Variants in EPG5 observed in about 807,000 individuals in gnomAD.
EPG5 encodes ectopic P-granules 5 autophagy tethering factor.
Under a neutral mutation model 302.7 loss-of-function variants are expected in EPG5, and 159 were observed. That is an observed-to-expected ratio of 0.53 (90% CI 0.46 to 0.60). EPG5 has a LOEUF of 0.60. EPG5 is among the 20% of genes least tolerant of loss of function. The probability of loss-of-function intolerance (pLI) is 0.00; values close to 1 mark genes in which losing one functional copy is unlikely to be tolerated. For missense variants in EPG5, 2,896 were observed against 3,092.4 expected, an observed-to-expected ratio of 0.94 and a Z score of 1.51; for synonymous variants, 1,158 against 1,136.8, an observed-to-expected ratio of 1.02 and a Z score of -0.37.
intron 28 of EPG5, 100 bp downstream of exon 28, chr18:45,889,698 C>G (rs1378562418): frequency 9.3e-7 from 1 of 1,080,476 alleles, no homozygotes; most frequent in East Asian, 2.7e-5. Flanking sequence ...ACTAAATTAA[C>G]CTGTGGGTGC....
At chr18:45,906,188 T>C (rs1480417404) in intron 24 of EPG5, among the ~76,000 whole-genome samples, 1 of 152,204 alleles carries the variant, frequency 6.6e-6, no homozygotes, top group African/African-American at 2.4e-5. Flanking sequence ...AGGGTTTATC[T>C]CTGGGGGACA....
At position 45,925,913 on chromosome 18, in the gene EPG5, A is replaced by G; in HGVS notation, c.2554-11T>C. The G allele has an allele frequency of 3.0e-6, 4 of 1,353,622 alleles. No individual in the cohort carries two copies. Among genetic ancestry groups the G allele is most frequent in the Non-Finnish European group, 3.9e-6 (4 of 1,034,392 alleles). The allele number at this position is 1,353,622 out of a possible 1,614,324, so 83.9% of individuals were successfully genotyped here. A position where few individuals can be genotyped will look rare whatever the true frequency, so the allele number is the denominator to read the frequency against. On this transcript the variant is annotated splice_polypyrimidine_tract_variant and intron_variant, in intron 13 of 43. Transcript: ENST00000282041. ...CAAGTATAGAGAAACCTTATTAAAA[A>G]GAAAACAATAATCATTAAATAAAGA...
At chr18:45,926,480 T>A (rs1488506703) in intron 13 of EPG5, among the ~76,000 whole-genome samples, 1 of 152,178 alleles carries the variant, frequency 6.6e-6, no homozygotes, top group Non-Finnish European at 1.5e-5. Flanking sequence ...AAATCCTATT[T>A]ACAGAAAGTC....
chr18:45,965,889 A>G (rs1199173117), intron 1 of EPG5, among the ~76,000 whole-genome samples: 1 of 151,670 alleles, frequency 6.6e-6, no homozygotes, highest in Non-Finnish European at 1.5e-5. Flanking sequence ...CCCCGTCTCT[A>G]CTAAAAATAC....
the EPG5 span, among the ~76,000 whole-genome samples, chr18:45,832,079 C>T: frequency 6.6e-6 from 1 of 152,214 alleles, no homozygotes; most frequent in African/African-American, 2.4e-5. Context: ...TTCCCACCAC[C>T]CTCTGTTCAC....
At position 45,943,214 on chromosome 18, in the gene EPG5, G is replaced by A; in HGVS notation, c.1890C>T (p.Thr630=). The part of the protein sequence containing the change: ...LVELLAVGLE[T]FNRARYRQFV... ...ACTGCCTATAGCGTGCTCTATTAAA[G>A]GTTTCTAACCCCACAGCCAGAAGTT... is the stretch of plus-strand genomic sequence containing the variant. The change falls in exon 9 of 44, where the codon ACC becomes ACT. Residue 630 remains threonine (T), a synonymous_variant. Coordinates refer to ENST00000282041, the MANE Select transcript of EPG5 (RefSeq NM_020964.3). 6.2e-7 allele frequency: 1 copy of A among 1,614,094 alleles called. No individual in the cohort carries two copies. The highest frequency in any genetic ancestry group is 2.2e-5 in the East Asian group (1 of 44,868).
At chr18:45,927,552 C>A (rs1007328063) in intron 13 of EPG5, among the ~76,000 whole-genome samples, 2 of 150,760 alleles carry the variant, frequency 1.3e-5, no homozygotes, top group South Asian at 2.1e-4. Context: ...CAGAAGCAAC[C>A]CAAGTCCCCA....
At chr18:45,911,078 T>TACAC (rs34212851) in intron 22 of EPG5, among the ~76,000 whole-genome samples, 142 of 135,356 alleles carry the variant, frequency 1.0e-3, no homozygotes, top group African/African-American at 2.7e-3. Context: ...TATCTATCTA[T>TACAC]ACACACACAC....
intron 22 of EPG5, among the ~76,000 whole-genome samples, chr18:45,911,652 G>A (rs2049905487): frequency 6.6e-6 from 1 of 151,998 alleles, no homozygotes; most frequent in South Asian, 2.1e-4. Context: ...GGCCAGGCTT[G>A]TCTCGAACTC....
intron 1 of EPG5, among the ~76,000 whole-genome samples, chr18:45,956,175 A>G (rs1231606814): frequency 1.3e-5 from 2 of 152,206 alleles, no homozygotes; most frequent in Non-Finnish European, 2.9e-5. Flanking sequence ...CAGATAACCC[A>G]ATAGGATATT....
intron 1 of EPG5, among the ~76,000 whole-genome samples, chr18:45,959,111 T>C (rs1236611304): frequency 6.6e-6 from 1 of 152,158 alleles, no homozygotes; most frequent in African/African-American, 2.4e-5. Flanking sequence ...AATTACTCTT[T>C]CTCTATTGCA....
downstream of EPG5, chr18:45,843,879 G>T (rs2048345242): frequency 3.3e-5 from 5 of 150,380 alleles, no homozygotes; most frequent in Admixed American, 3.3e-4. Context: ...TGTCTCCAAA[G>T]AAAAAAAAAG....
At chr18:45,880,386 C>G (rs542957675) in intron 31 of EPG5, among the ~76,000 whole-genome samples, 163 bp from the exon 32 acceptor site, 1 of 152,198 alleles carries the variant, frequency 6.6e-6, no homozygotes, top group Non-Finnish European at 1.5e-5. Flanking sequence ...TAAAGAGAAC[C>G]TAAGAGAAGA....
At chr18:45,936,763 G>A in intron 10 of EPG5, among the ~76,000 whole-genome samples, 1 of 132,630 alleles carries the variant, frequency 7.5e-6, no homozygotes. Context: ...GGAATGTACA[G>A]CAACTTACCT....
intron 12 of EPG5, 114 bp downstream of exon 12, chr18:45,930,562 G>A (rs2050376436): frequency 1.3e-6 from 1 of 775,554 alleles, no homozygotes; most frequent in Non-Finnish European, 2.0e-6. Flanking sequence ...TCTCTGAAGT[G>A]TAGACAGTAG....
Position 45,870,638 on chromosome 18 carries a change from GGA to G in EPG5, c.6152_6153del (p.Phe2051SerfsTer2). On this transcript the variant is annotated frameshift_variant, in exon 36 of 44. Transcript: ENST00000282041. LOFTEE classifies it high-confidence loss of function. The stretch of plus-strand genomic sequence containing the variant: ...CATGGCAGTTTCCGGTACGTGCTAT[GGA>G]AAGCGTACAGAATGAACTCTGGCAT... ...PKMPEFILYA[F>X]HSTYRKLPWK... 1 of 1,614,080 alleles carries G rather than the reference GGA, an allele frequency of 6.2e-7. No homozygotes were observed.
In EPG5 at chr18:45,858,662, A is replaced by G; in HGVS notation, c.7130T>C (p.Val2377Ala). The G allele has an allele frequency of 6.2e-7, 1 of 1,614,194 alleles. No individual in the cohort carries two copies. Among genetic ancestry groups the G allele is most frequent in the East Asian group, 2.2e-5 (1 of 44,878 alleles). Residue 2377 changes from valine (V) to alanine (A), a missense_variant, in exon 41 of 44, where the codon GTC becomes GCC. This residue lies in a region of EPG5 where 620 missense variants were observed against 704.2 expected (regional missense o/e 0.88). Transcript: ENST00000282041. ...LTLGSYLTLY[V>A]YLLQCLNSEQ... ...GCTGTTTAAACACTGAAGCAAGTAG[A>G]CGTAAAGAGTCAAGTAACTGCCCAA...
chr18:45,908,660 A>T (rs1347732715), intron 23 of EPG5, among the ~76,000 whole-genome samples: 1 of 152,172 alleles, frequency 6.6e-6, no homozygotes, highest in Non-Finnish European at 1.5e-5. Flanking sequence ...TTAAAAAAAT[A>T]AAAGTTCTGG....
the EPG5 span, among the ~76,000 whole-genome samples, chr18:45,829,765 T>TCAGA: frequency 6.6e-6 from 1 of 152,178 alleles, no homozygotes; most frequent in Non-Finnish European, 1.5e-5. Flanking sequence ...GCACAAAAGA[T>TCAGA]GCCTGAGGGA....
Sources: allele counts gnomAD v4.1 joint callset (sites outside exome capture counted in the v4.1 genomes callset), GRCh38; gene constraint gnomAD v4.1.1; regional missense constraint gnomAD v4.1.1; transcripts MANE v1.5; gene names NCBI Gene and HGNC (gene_info 2026-07-23, HGNC 2026-07-21).